The following EPHA4 variants were observed in gnomAD, a reference collection of about 807,000 sequenced individuals.
EPHA4 encodes the protein ephrin type-A receptor 4.
In EPHA4, 19 loss-of-function variants were observed where a neutral mutation model predicts 108.3. The observed-to-expected ratio is 0.18, with a 90% CI of 0.12 to 0.26. The LOEUF (loss-of-function observed/expected upper bound fraction) is 0.26. EPHA4 is among the 10% of genes least tolerant of loss of function. The probability of loss-of-function intolerance (pLI) is 1.00; values close to 1 mark genes in which losing one functional copy is unlikely to be tolerated. For synonymous variants in EPHA4, 449 were observed against 455.5 expected, an observed-to-expected ratio of 0.99 and a Z score of 0.18; for missense variants, 917 against 1,254.0, an observed-to-expected ratio of 0.73 and a Z score of 4.06.
chr2:221,508,228 G>T (rs1186482451), intron 3 of EPHA4, among the ~76,000 whole-genome samples: 1 of 152,184 alleles, frequency 6.6e-6, no homozygotes, highest in African/African-American at 2.4e-5. Flanking sequence ...ATTATCAGGA[G>T]AAGAATAATT....
At chr2:221,442,798 C>T in intron 11 of EPHA4, 31 bp downstream of exon 11, 2 of 1,610,054 alleles carry the variant, frequency 1.2e-6, no homozygotes, top group South Asian at 1.1e-5. Context: ...TAACTTCTAG[C>T]TTGGCTTTGT....
intron 3 of EPHA4, among the ~76,000 whole-genome samples, chr2:221,516,378 G>T (rs913839495): frequency 7.5e-6 from 1 of 133,004 alleles, no homozygotes; most frequent in East Asian, 2.2e-4. Flanking sequence ...TTTTTGAGAC[G>T]CAGTCTTGCT....
chr2:221,440,466 G>T (rs1053829746), intron 11 of EPHA4, among the ~76,000 whole-genome samples: 2 of 152,124 alleles, frequency 1.3e-5, no homozygotes, highest in African/African-American at 4.8e-5. Context: ...GTAGTGAAGG[G>T]CTCTGGGCGG....
chr2:221,478,692 C>T (rs1574597087), intron 5 of EPHA4, among the ~76,000 whole-genome samples: 1 of 152,286 alleles, frequency 6.6e-6, no homozygotes, highest in East Asian at 1.9e-4. Flanking sequence ...GAAAAGTACT[C>T]TGTCCTCAGC....
chr2:221,467,062 C>T (rs960905316), intron 5 of EPHA4, among the ~76,000 whole-genome samples: 1 of 152,204 alleles, frequency 6.6e-6, no homozygotes, highest in African/African-American at 2.4e-5. Flanking sequence ...TCCCTGCTCA[C>T]AGACAAACCT....
chr2:221,442,286 T>C (rs1473966980), intron 11 of EPHA4, among the ~76,000 whole-genome samples: 1 of 152,210 alleles, frequency 6.6e-6, no homozygotes, highest in Non-Finnish European at 1.5e-5. Context: ...GCGTGGTTCA[T>C]AGGCTCAGCG....
intron 8 of EPHA4, among the ~76,000 whole-genome samples, chr2:221,453,635 A>G (rs1333131927): frequency 6.6e-6 from 1 of 152,204 alleles, no homozygotes; most frequent in Non-Finnish European, 1.5e-5. Context: ...CAATGTCTAT[A>G]TGTTTTTGTA....
chr2:221,560,000 T>G (rs1694412970), intron 3 of EPHA4, among the ~76,000 whole-genome samples: 1 of 152,198 alleles, frequency 6.6e-6, no homozygotes, highest in Non-Finnish European at 1.5e-5. Flanking sequence ...TAGCATGTAC[T>G]GCTGGGGGTA....
rs1485993929 is a variant in EPHA4, at chr2:221,520,531, CACACACACACACAG to C, written c.824-19373_824-19360del. On this transcript the variant is annotated intron_variant, in intron 3 of 17. Transcript: ENST00000281821. ...CCACACACACACACACACACACACA[CACACACACACACAG>C]AGAGAGAGAGAGAGAGCAAGAGGGG... Among the ~76,000 whole-genome samples, 796 of 118,128 alleles carry C rather than the reference CACACACACACACAG, an allele frequency of 6.7e-3. 1 individual carries two copies. Among genetic ancestry groups the C allele is most frequent in the African/African-American group, 0.012 (304 of 24,752 alleles). 77.5% of individuals were successfully genotyped at this position (118,128 alleles called of 152,430 possible). A position where few individuals can be genotyped will look rare whatever the true frequency, so the allele number is the denominator to read the frequency against.
chr2:221,485,923 T>C (rs1691961379), intron 4 of EPHA4, among the ~76,000 whole-genome samples: 1 of 152,128 alleles, frequency 6.6e-6, no homozygotes. Flanking sequence ...AAGAGAAAAC[T>C]GGTATTCTGA....
At chr2:221,451,230 C>T (rs776717979) in intron 8 of EPHA4, among the ~76,000 whole-genome samples, 9 of 152,172 alleles carry the variant, frequency 5.9e-5, no homozygotes, top group South Asian at 4.2e-4. Context: ...TCAATCAATA[C>T]GGTAATACTG....
At chr2:221,547,637 G>A (rs1352468485) in intron 3 of EPHA4, among the ~76,000 whole-genome samples, 2 of 152,246 alleles carry the variant, frequency 1.3e-5, no homozygotes, top group Non-Finnish European at 1.5e-5. Flanking sequence ...GAATAATTAC[G>A]GGGCACTCTT....
At chr2:221,508,571 T>C (rs1264985490) in intron 3 of EPHA4, among the ~76,000 whole-genome samples, 1 of 141,776 alleles carries the variant, frequency 7.1e-6, no homozygotes, top group South Asian at 2.4e-4. Context: ...AGAGTGAGAC[T>C]CTGTCTCAAA....
rs139882071 is a variant in EPHA4, at chr2:221,436,459, C to T, written c.2286G>A (p.Val762=). The T allele has an allele frequency of 2.2e-4, 351 of 1,614,040 alleles. No homozygotes were observed. Among genetic ancestry groups the T allele is most frequent in the Non-Finnish European group, 2.8e-4 (334 of 1,180,024 alleles). The part of the protein sequence containing the change: ...ILVNSNLVCK[V]SDFGMSRVLE... ...GCACTCGGGACATGCCAAAATCAGA[C>T]ACTTTGCAGACCAAGTTGCTGTTCA... The change falls in exon 13 of 18, where the codon GTG becomes GTA. Residue 762 remains valine (V), a synonymous_variant. Transcript: ENST00000281821.
At chr2:221,517,289 C>G (rs1353347968) in intron 3 of EPHA4, among the ~76,000 whole-genome samples, 1 of 152,138 alleles carries the variant, frequency 6.6e-6, no homozygotes. Flanking sequence ...ATGTATTAGA[C>G]AGACAGAAGA....
chr2:221,435,142 C>T (rs961197013), intron 13 of EPHA4, among the ~76,000 whole-genome samples: 5 of 152,034 alleles, frequency 3.3e-5, no homozygotes, highest in African/African-American at 7.2e-5. Flanking sequence ...GGTAGGGCTA[C>T]GAAACAGGAC....
intron 4 of EPHA4, among the ~76,000 whole-genome samples, chr2:221,490,473 A>G (rs1447094350): frequency 6.6e-6 from 1 of 151,992 alleles, no homozygotes; most frequent in Non-Finnish European, 1.5e-5. Context: ...GCATCCCCCA[A>G]GAGCATGGGC....
chr2:221,518,760 G>T (rs1693065503), intron 3 of EPHA4, among the ~76,000 whole-genome samples: 1 of 152,120 alleles, frequency 6.6e-6, no homozygotes. Context: ...TTATGGGCTT[G>T]GCTGAAGCTT....
At chr2:221,464,323 A>T (rs1691239834) in intron 5 of EPHA4, among the ~76,000 whole-genome samples, 1 of 152,188 alleles carries the variant, frequency 6.6e-6, no homozygotes, top group Non-Finnish European at 1.5e-5. Flanking sequence ...TTTCTTTCTC[A>T]ATTCAATACC....
Sources: allele counts gnomAD v4.1 joint callset (sites outside exome capture counted in the v4.1 genomes callset), GRCh38; gene constraint gnomAD v4.1.1; transcripts MANE v1.5; gene names NCBI Gene and HGNC (gene_info 2026-07-23, HGNC 2026-07-21).